The following SNTG2 variants were observed in gnomAD, a reference collection of about 807,000 sequenced individuals.
SNTG2 encodes syntrophin gamma 2, also known as gamma-2-syntrophin.
A neutral mutation model predicts 70.9 loss-of-function variants in SNTG2; 74 were observed. The observed-to-expected ratio is 1.04, with a 90% confidence interval of 0.86 to 1.27. SNTG2 has a LOEUF of 1.27. Ranked by LOEUF, SNTG2 falls within the 50% of genes most tolerant of loss-of-function variation. SNTG2 has a pLI of 0.00. For synonymous variants in SNTG2, 278 were observed against 273.8 expected (o/e 1.02, Z -0.15); for missense variants, 717 against 690.7 (o/e 1.04, Z -0.43).
chr2:977,882 A>G (rs753581863), intron 1 of SNTG2, among the ~76,000 whole-genome samples: 3 of 152,098 alleles, frequency 2.0e-5, no homozygotes, highest in Non-Finnish European at 4.4e-5. Context: ...CAAGTAACTG[A>G]TCTCATCTCT....
chr2:1,035,334 T>A (rs1286775633), intron 1 of SNTG2, among the ~76,000 whole-genome samples: 1 of 152,228 alleles, frequency 6.6e-6, no homozygotes, highest in Non-Finnish European at 1.5e-5. Context: ...AGAGTCTGAC[T>A]GGCAATGATT....
At chr2:1,212,921 A>T (rs563826480) in intron 9 of SNTG2, among the ~76,000 whole-genome samples, 151 of 152,338 alleles carry the variant, frequency 9.9e-4, no homozygotes, top group Non-Finnish European at 1.6e-3. Flanking sequence ...TTAGAATCTT[A>T]AAACAAAAGC....
chr2:1,325,970 A>AT (rs749486487), intron 16 of SNTG2, among the ~76,000 whole-genome samples: 3 of 151,952 alleles, frequency 2.0e-5, no homozygotes, highest in Non-Finnish European at 4.4e-5. Context: ...AGTAACTGGG[A>AT]TTACAGGCAC....
intron 1 of SNTG2, among the ~76,000 whole-genome samples, chr2:972,567 C>G (rs1300245989): frequency 6.6e-6 from 1 of 152,072 alleles, no homozygotes; most frequent in East Asian, 1.9e-4. Flanking sequence ...ATCTGTGTCC[C>G]CACCCAAATC....
chr2:1,229,462 T>C (rs1404097372), intron 9 of SNTG2, among the ~76,000 whole-genome samples: 2 of 152,196 alleles, frequency 1.3e-5, no homozygotes, highest in Non-Finnish European at 2.9e-5. Flanking sequence ...TGCCGATTGG[T>C]GTATTTACAA....
intron 8 of SNTG2, among the ~76,000 whole-genome samples, chr2:1,188,138 C>T (rs1408533746): frequency 1.3e-5 from 2 of 152,204 alleles, no homozygotes; most frequent in East Asian, 3.8e-4. Context: ...AAAACAATAG[C>T]TTACAATTCA....
chr2:1,066,951 G>T (rs1489107831), intron 1 of SNTG2, among the ~76,000 whole-genome samples: 1 of 152,064 alleles, frequency 6.6e-6, no homozygotes, highest in African/African-American at 2.4e-5. Flanking sequence ...GCAAAACTTC[G>T]TGACCCAGCA....
Position 1,031,530 on chromosome 2 carries a change from T to TATATA in SNTG2, c.73-51988_73-51987insATATA, listed in dbSNP as rs1558325836. On this transcript the variant is annotated intron_variant, in intron 1 of 16. Coordinates refer to ENST00000308624, the MANE Select transcript of SNTG2 (RefSeq NM_018968.4). ...TTGTTATATATATATATATATATAT[T>TATATA]TTTTTTTTTTTTTTTTTTGAGGCGA... 1.7e-3 allele frequency among the ~76,000 whole-genome samples: 64 copies of TATATA among 37,076 alleles called. No individual in the cohort carries two copies. The South Asian group carries it at 0.022, about 13-fold the overall frequency. 24.3% of individuals were successfully genotyped at this position (37,076 alleles called of 152,430 possible).
intron 4 of SNTG2, among the ~76,000 whole-genome samples, chr2:1,119,906 CAAATAAGA>C (rs1227685743): frequency 2.6e-5 from 4 of 151,890 alleles, no homozygotes; most frequent in Non-Finnish European, 4.4e-5. Context: ...TTGAATATTA[CAAATAAGA>C]AAATAAGAAA....
chr2:1,198,076 T>C (rs1673039789), intron 8 of SNTG2, among the ~76,000 whole-genome samples: 1 of 152,112 alleles, frequency 6.6e-6, no homozygotes, highest in African/African-American at 2.4e-5. Flanking sequence ...CACAGAACTT[T>C]GCTGGGATAG....
In SNTG2 at chr2:1,095,199, G is replaced by A. The variant is rs1374276810; in HGVS notation, c.211-2997G>A. On this transcript the variant is annotated intron_variant, in intron 2 of 16. Transcript: ENST00000308624. The stretch of plus-strand genomic sequence containing the variant: ...CATCTGACCTTAGTTACCTCCTACA[G>A]GCCCTACCTCCAATGCAGTCACACT... Among the ~76,000 whole-genome samples the A allele has an allele frequency of 3.9e-5, 6 of 152,176 alleles. No homozygotes were observed. The East Asian group carries it at 9.6e-4, about 24-fold the overall frequency.
chr2:1,238,742 T>C lies in SNTG2; in HGVS notation c.849+725T>C, dbSNP rs543282394. Among the ~76,000 whole-genome samples, 29 of 152,300 alleles carry C rather than the reference T, an allele frequency of 1.9e-4. No homozygotes were observed. The South Asian group carries it at 5.8e-3, about 30-fold the overall frequency. On this transcript the variant is annotated intron_variant, in intron 10 of 16. Coordinates refer to ENST00000308624, the MANE Select transcript of SNTG2 (RefSeq NM_018968.4). ...CTTGCTGCCCTTGCTCCCTCTAAGC[T>C]GAGTTGCCCTGTAATTGCACTTCGA...
chr2:1,063,692 G>A (rs762730447), intron 1 of SNTG2, among the ~76,000 whole-genome samples: 1 of 152,186 alleles, frequency 6.6e-6, no homozygotes, highest in Non-Finnish European at 1.5e-5. Flanking sequence ...TAACTGAAGA[G>A]TGGACACAAC....
chr2:1,224,013 A>C (rs1675575576), intron 9 of SNTG2, among the ~76,000 whole-genome samples: 1 of 150,488 alleles, frequency 6.6e-6, no homozygotes, highest in Admixed American at 6.6e-5. Context: ...TCAGGTGGTC[A>C]GTCTGGTGAG....
intron 14 of SNTG2, among the ~76,000 whole-genome samples, chr2:1,307,003 CTG>C (rs1490931537): frequency 6.7e-6 from 1 of 149,890 alleles, no homozygotes; most frequent in African/African-American, 2.5e-5. Flanking sequence ...GAGTCATGCA[CTG>C]TGTGTGTCTG....
chr2:1,258,631 C>T (rs950096227), intron 12 of SNTG2, among the ~76,000 whole-genome samples: 22 of 152,216 alleles, frequency 1.4e-4, no homozygotes, highest in African/African-American at 3.4e-4. Context: ...TTTTTACTGG[C>T]TGAAGGAAAA....
At chr2:1,159,071 T>C (rs1038022248) in intron 6 of SNTG2, among the ~76,000 whole-genome samples, 1 of 151,888 alleles carries the variant, frequency 6.6e-6, no homozygotes, top group Non-Finnish European at 1.5e-5. Flanking sequence ...TACCTGTGTG[T>C]GCACGTGTGT....
intron 16 of SNTG2, among the ~76,000 whole-genome samples, chr2:1,356,970 CTGT>C (rs532395608): frequency 2.6e-4 from 40 of 151,346 alleles, no homozygotes; most frequent in Non-Finnish European, 4.4e-4. Context: ...TTTGGATCGT[CTGT>C]TGTTAGTGCG....
chr2:1,042,397 G>A (rs191938105), intron 1 of SNTG2, among the ~76,000 whole-genome samples: 86 of 151,928 alleles, frequency 5.7e-4, no homozygotes, highest in Middle Eastern at 3.4e-3. Context: ...TTTTAGGTTC[G>A]GGGGTACACG....
Sources: gnomAD v4.1 joint callset for allele counts (sites outside exome capture counted in the v4.1 genomes callset) on GRCh38, gnomAD v4.1.1 for gene constraint, MANE v1.5 for transcripts, NCBI Gene and HGNC (gene_info 2026-07-23, HGNC 2026-07-21) for gene names.